Variants in LRP6 observed in about 807,000 individuals in gnomAD.
LRP6 encodes the protein low-density lipoprotein receptor-related protein 6.
A neutral mutation model predicts 184.1 loss-of-function variants in LRP6; 43 were observed. The observed-to-expected ratio is 0.23, with a 90% CI of 0.18 to 0.30. The LOEUF is 0.30. Ranked by LOEUF, LRP6 falls within the 10% of genes least tolerant of loss-of-function variation. The probability of loss-of-function intolerance (pLI) is 1.00; values close to 1 mark genes in which losing one functional copy is unlikely to be tolerated. For missense variants in LRP6, 1,571 were observed against 2,005.3 expected, an observed-to-expected ratio of 0.78 and a Z score of 4.14; for synonymous variants, 719 against 684.9, an observed-to-expected ratio of 1.05 and a Z score of -0.78.
chr12:12,169,066 T>TA (rs1228669103), intron 7 of LRP6, among the ~76,000 whole-genome samples: 1 of 151,926 alleles, frequency 6.6e-6, no homozygotes, highest in Non-Finnish European at 1.5e-5. Flanking sequence ...CTGTCTCTAC[T>TA]AAAAATAGAA....
intron 1 of LRP6, among the ~76,000 whole-genome samples, chr12:12,265,607 T>TG (rs974401146): frequency 1.3e-5 from 2 of 152,180 alleles, no homozygotes; most frequent in Non-Finnish European, 2.9e-5. Flanking sequence ...GAACTTACTA[T>TG]GAACGCCAGT....
At chr12:12,211,441 CA>C (rs992593945) in intron 2 of LRP6, among the ~76,000 whole-genome samples, 1 of 151,846 alleles carries the variant, frequency 6.6e-6, no homozygotes, top group Non-Finnish European at 1.5e-5. Flanking sequence ...CACTCCGTCT[CA>C]AAAAAAGAGA....
intron 14 of LRP6, among the ~76,000 whole-genome samples, chr12:12,148,534 C>T (rs1400486619): frequency 4.0e-5 from 6 of 151,886 alleles, no homozygotes. Context: ...GTGGTAAATA[C>T]AAGACTAAAA....
At chr12:12,128,411 G>T (rs1044706387) in intron 19 of LRP6, among the ~76,000 whole-genome samples, 1 of 152,090 alleles carries the variant, frequency 6.6e-6, no homozygotes, top group Admixed American at 6.6e-5. Flanking sequence ...TTACTGTCCT[G>T]GGAGATTCTA....
At chr12:12,242,459 C>T (rs978197515) in intron 2 of LRP6, among the ~76,000 whole-genome samples, 2 of 152,196 alleles carry the variant, frequency 1.3e-5, no homozygotes, top group African/African-American at 4.8e-5. Flanking sequence ...TATCTTTTCA[C>T]CACGGTATTC....
At chr12:12,210,249 G>T (rs1864172039) in intron 2 of LRP6, among the ~76,000 whole-genome samples, 1 of 152,186 alleles carries the variant, frequency 6.6e-6, no homozygotes. Flanking sequence ...AGAAGTTGAG[G>T]ACTGGATCAA....
intron 1 of LRP6, among the ~76,000 whole-genome samples, chr12:12,266,111 T>G (rs1391833904): frequency 6.6e-6 from 1 of 152,162 alleles, no homozygotes; most frequent in Non-Finnish European, 1.5e-5. Flanking sequence ...ACGCTCGACC[T>G]ATAACCCCGG....
chr12:12,151,046 G>C lies in LRP6; in HGVS notation c.2792-8C>G, dbSNP rs899684220. 1 of 1,611,462 alleles carries C rather than the reference G, an allele frequency of 6.2e-7. No homozygotes were observed. The highest frequency in any genetic ancestry group is 1.3e-5 in the African/African-American group (1 of 74,870). On this transcript the variant is annotated splice_polypyrimidine_tract_variant and splice_region_variant and intron_variant, in intron 12 of 22. Coordinates refer to ENST00000261349, the MANE Select transcript of LRP6 (RefSeq NM_002336.3). ...GCAGGAAAGTCGTAGGAGCTTAAAA[G>C]GAAGAAAAGAGAAAATCTGAAATCT...
intron 2 of LRP6, among the ~76,000 whole-genome samples, chr12:12,217,984 T>A (rs976999582): frequency 4.6e-5 from 7 of 152,074 alleles, no homozygotes; most frequent in African/African-American, 1.4e-4. Context: ...TTCACAGATA[T>A]AACACTAAAA....
chr12:12,216,641 CTG>C (rs1864352154), intron 2 of LRP6, among the ~76,000 whole-genome samples: 1 of 147,862 alleles, frequency 6.8e-6, no homozygotes, highest in South Asian at 2.1e-4. Flanking sequence ...GGTCTTCTCT[CTG>C]TACTTAAAAT....
chr12:12,263,535 A>C (rs1206728574), intron 1 of LRP6, among the ~76,000 whole-genome samples: 1 of 139,844 alleles, frequency 7.2e-6, no homozygotes, highest in Admixed American at 7.7e-5. Context: ...TGGGCAACAG[A>C]GCAAGAATCC....
chr12:12,160,826 G>A (rs1226309671), intron 10 of LRP6, among the ~76,000 whole-genome samples: 1 of 152,120 alleles, frequency 6.6e-6, no homozygotes, highest in Non-Finnish European at 1.5e-5. Flanking sequence ...AAACTAGTGA[G>A]GTGCTAGTTT....
At chr12:12,162,123 T>C (rs943378590) in intron 10 of LRP6, 70 bp downstream of exon 10, 2 of 1,154,736 alleles carry the variant, frequency 1.7e-6, no homozygotes, top group Admixed American at 1.7e-5. Flanking sequence ...AAGAATATCA[T>C]CTGTAACTAT....
Position 12,251,280 on chromosome 12 carries a change from C to T in LRP6, c.56-6625G>A, listed in dbSNP as rs1356107540. 2.0e-5 allele frequency among the ~76,000 whole-genome samples: 3 copies of T among 152,134 alleles called. No homozygotes were observed. The East Asian group carries it at 5.8e-4, about 29-fold the overall frequency. On this transcript the variant is annotated intron_variant, in intron 1 of 22. Transcript: ENST00000261349. Reference sequence around the variant, plus strand: ...TTTATTTGTAAGATGTTTTTAAGTGCTTATCAAATATTATAGTTACGTAAA... The same window carrying T: ...TTTATTTGTAAGATGTTTTTAAGTGTTTATCAAATATTATAGTTACGTAAA...
intron 10 of LRP6, 70 bp from the exon 11 acceptor site, chr12:12,160,034 C>A: frequency 9.1e-7 from 1 of 1,101,810 alleles, no homozygotes; most frequent in South Asian, 1.6e-5. Flanking sequence ...CATATTCATG[C>A]AAAGTAACTA....
intron 22 of LRP6, among the ~76,000 whole-genome samples, chr12:12,122,860 G>A (rs1949623324): frequency 6.6e-6 from 1 of 151,768 alleles, no homozygotes; most frequent in African/African-American, 2.4e-5. Context: ...AATAAAAAGG[G>A]TGCAAGGCTG....
At chr12:12,127,716 GTC>G (rs1360684644) in intron 19 of LRP6, among the ~76,000 whole-genome samples, 3 of 151,688 alleles carry the variant, frequency 2.0e-5, no homozygotes, top group African/African-American at 7.3e-5. Flanking sequence ...GAGCATTACT[GTC>G]TCTATTCAGA....
In LRP6 at chr12:12,147,508, C is replaced by A. The variant is rs866627313; in HGVS notation, c.3255G>T (p.Arg1085=). 1 of 1,613,926 alleles carries A rather than the reference C, an allele frequency of 6.2e-7. No homozygotes were observed. ...NLQERSPKIE[R]AALDGTEREV... is the part of the protein sequence containing the mutation. ...CCCGTTCTGTCCCATCCAAAGCAGCCCGTTCAATTTTAGGAGACCTTTCCT... is the reference window on the plus strand; with the variant it reads ...CCCGTTCTGTCCCATCCAAAGCAGCACGTTCAATTTTAGGAGACCTTTCCT... The change falls in exon 15 of 23, where the codon CGG becomes CGT. Residue 1085 remains arginine (R), a synonymous_variant. Coordinates refer to ENST00000261349, the MANE Select transcript of LRP6 (RefSeq NM_002336.3).
chr12:12,245,558 A>G (rs1050723187), intron 1 of LRP6, among the ~76,000 whole-genome samples: 12 of 152,342 alleles, frequency 7.9e-5, no homozygotes, highest in African/African-American at 2.9e-4. Flanking sequence ...TACACTTAAC[A>G]TAAGCAAAAT....
Sources: allele counts gnomAD v4.1 joint callset (sites outside exome capture counted in the v4.1 genomes callset), GRCh38; gene constraint gnomAD v4.1.1; transcripts MANE v1.5; gene names NCBI Gene and HGNC (gene_info 2026-07-23, HGNC 2026-07-21).